Variants in DMRT1 observed in about 807,000 individuals in gnomAD.
DMRT1 encodes doublesex and mab-3 related transcription factor 1.
DMRT1 carries 7 observed loss-of-function variants against 32.3 expected under a neutral mutation model. That is an observed-to-expected ratio of 0.22 (90% CI 0.12 to 0.41). The LOEUF (loss-of-function observed/expected upper bound fraction) is 0.41, where lower values mean the gene tolerates loss of function less well. Ranked by LOEUF, DMRT1 falls within the 10% of genes least tolerant of loss-of-function variation. DMRT1 has a pLI of 1.00. For synonymous variants in DMRT1, 278 were observed against 206.1 expected (o/e 1.35, Z -2.99); for missense variants, 625 against 500.5 (o/e 1.25, Z -2.37).
chr9:895,407 G>C (rs1430597479), intron 3 of DMRT1, among the ~76,000 whole-genome samples: 1 of 152,320 alleles, frequency 6.6e-6, no homozygotes, highest in South Asian at 2.1e-4. Flanking sequence ...TGCAAGAACT[G>C]TTCTCATTCT....
chr9:963,748 G>A (rs994954734), intron 4 of DMRT1, among the ~76,000 whole-genome samples: 3 of 152,234 alleles, frequency 2.0e-5, no homozygotes, highest in African/African-American at 7.2e-5. Context: ...CTGGAAAAGA[G>A]TTCTATTGTG....
chr9:900,055 C>A (rs955372598), intron 3 of DMRT1, among the ~76,000 whole-genome samples: 1 of 152,210 alleles, frequency 6.6e-6, no homozygotes, highest in Non-Finnish European at 1.5e-5. Context: ...CAGAGCCCAC[C>A]ATGTGCTGGG....
chr9:888,574 A>G (rs932085236), intron 2 of DMRT1, among the ~76,000 whole-genome samples: 3 of 151,496 alleles, frequency 2.0e-5, no homozygotes, highest in African/African-American at 7.3e-5. Flanking sequence ...TGCTGGGATT[A>G]TAGCCAGGAG....
intron 4 of DMRT1, among the ~76,000 whole-genome samples, chr9:953,574 C>T (rs369899463): frequency 6.6e-6 from 1 of 151,872 alleles, no homozygotes; most frequent in Non-Finnish European, 1.5e-5. Context: ...CTGACCCATT[C>T]TTGAGGTTTT....
At chr9:907,493 A>C (rs1817819533) in intron 3 of DMRT1, among the ~76,000 whole-genome samples, 1 of 152,174 alleles carries the variant, frequency 6.6e-6, no homozygotes, top group Admixed American at 6.5e-5. Context: ...GAACCCCCTG[A>C]TATGCACCAA....
intron 2 of DMRT1, among the ~76,000 whole-genome samples, chr9:885,932 A>G (rs1195043687): frequency 6.6e-6 from 1 of 152,182 alleles, no homozygotes; most frequent in Non-Finnish European, 1.5e-5. Context: ...ATTATTCATT[A>G]TAACAACACA....
chr9:959,517 G>A (rs573769114), intron 4 of DMRT1, among the ~76,000 whole-genome samples: 2 of 152,254 alleles, frequency 1.3e-5, no homozygotes, highest in African/African-American at 4.8e-5. Context: ...TATTGTTGTT[G>A]TTGTTGTTTT....
chr9:874,248 T>C (rs1285128850), intron 2 of DMRT1, among the ~76,000 whole-genome samples: 7 of 152,220 alleles, frequency 4.6e-5, no homozygotes, highest in Non-Finnish European at 8.8e-5. Flanking sequence ...GTTTTGTTTT[T>C]TGAGATGGTG....
chr9:862,084 A>C (rs1287361960), intron 2 of DMRT1, among the ~76,000 whole-genome samples: 1 of 142,680 alleles, frequency 7.0e-6, no homozygotes, highest in Non-Finnish European at 1.6e-5. Flanking sequence ...GACGCTCCTC[A>C]CTTCCTAGAC....
intron 3 of DMRT1, among the ~76,000 whole-genome samples, chr9:896,426 G>T (rs980194850): frequency 1.3e-5 from 2 of 151,076 alleles, no homozygotes; most frequent in African/African-American, 2.4e-5. Context: ...TTATAGGCAC[G>T]CACCACCACT....
At chr9:934,970 A>G (rs955108502) in intron 4 of DMRT1, among the ~76,000 whole-genome samples, 1 of 152,164 alleles carries the variant, frequency 6.6e-6, no homozygotes, top group Non-Finnish European at 1.5e-5. Flanking sequence ...TGTCTCTCCC[A>G]GCTGTCTCAA....
At chr9:938,418 GTCTT>G (rs1182846918) in intron 4 of DMRT1, among the ~76,000 whole-genome samples, 1 of 152,194 alleles carries the variant, frequency 6.6e-6, no homozygotes, top group Non-Finnish European at 1.5e-5. Context: ...ACGGGATGAT[GTCTT>G]TCTATTTATT....
intron 4 of DMRT1, among the ~76,000 whole-genome samples, chr9:924,088 T>TTCCC (rs71327361): frequency 5.5e-5 from 8 of 144,316 alleles, no homozygotes; most frequent in Non-Finnish European, 9.1e-5. Flanking sequence ...TTTTTTTTTT[T>TTCCC]CCACCTGGAG....
At chr9:923,120 G>C (rs933649989) in intron 4 of DMRT1, among the ~76,000 whole-genome samples, 9 of 152,144 alleles carry the variant, frequency 5.9e-5, no homozygotes, top group African/African-American at 2.2e-4. Flanking sequence ...TGGGTAGCTT[G>C]CACCTCAGGG....
At chr9:957,690 G>A (rs7018970) in intron 4 of DMRT1, among the ~76,000 whole-genome samples, 5,806 of 152,268 alleles carry the variant, frequency 0.038, 401 homozygotes, top group African/African-American at 0.13. Context: ...ATGTGTCCTG[G>A]TATTTGCTTC....
intron 4 of DMRT1, among the ~76,000 whole-genome samples, chr9:960,404 A>G (rs1431413782): frequency 1.3e-5 from 2 of 152,236 alleles, no homozygotes; most frequent in African/African-American, 2.4e-5. Context: ...AATGGAGTAC[A>G]GACACTCACA....
At chr9:948,235 C>G (rs990156099) in intron 4 of DMRT1, among the ~76,000 whole-genome samples, 2 of 152,098 alleles carry the variant, frequency 1.3e-5, no homozygotes, top group Non-Finnish European at 2.9e-5. Flanking sequence ...CTCAGGCCCG[C>G]CCCTCCTCCC....
At chr9:908,083 A>G (rs1817842671) in intron 3 of DMRT1, among the ~76,000 whole-genome samples, 1 of 152,226 alleles carries the variant, frequency 6.6e-6, no homozygotes, top group Admixed American at 6.5e-5. Context: ...TGGGCTAAAG[A>G]TAAGCAAAAT....
At chr9:923,842 T>A (rs960009835) in intron 4 of DMRT1, among the ~76,000 whole-genome samples, 3 of 152,218 alleles carry the variant, frequency 2.0e-5, no homozygotes, top group Admixed American at 1.3e-4. Context: ...AACTTGACAT[T>A]TTAGAAACGA....
Sources: gnomAD v4.1 joint callset for allele counts (sites outside exome capture counted in the v4.1 genomes callset) on GRCh38, gnomAD v4.1.1 for gene constraint, MANE v1.5 for transcripts, NCBI Gene and HGNC (gene_info 2026-07-23, HGNC 2026-07-21) for gene names.